Variants in GPHN observed in about 807,000 individuals in gnomAD.
The protein encoded by GPHN is gephyrin.
GPHN carries 17 observed loss-of-function variants against 95.5 expected under a neutral mutation model. The ratio of observed to expected loss-of-function variants is 0.18; its 90% CI spans 0.12 to 0.27. The LOEUF is 0.27. GPHN is among the 10% of genes least tolerant of loss of function. The probability of loss-of-function intolerance (pLI) is 1.00; values close to 1 mark genes in which losing one functional copy is unlikely to be tolerated. For missense variants in GPHN, 660 were observed against 978.1 expected (o/e 0.67, Z 4.34); for synonymous variants, 320 against 322.5 (o/e 0.99, Z 0.08).
chr14:66,862,552 C>G (rs2063069289), intron 4 of GPHN, among the ~76,000 whole-genome samples: 1 of 151,992 alleles, frequency 6.6e-6, no homozygotes, highest in African/African-American at 2.4e-5. Context: ...AAGAAAATTA[C>G]AGGCCAATAT....
At chr14:66,644,949 ATGT>A (rs1325218428) in intron 1 of GPHN, among the ~76,000 whole-genome samples, 6 of 152,214 alleles carry the variant, frequency 3.9e-5, no homozygotes, top group Non-Finnish European at 7.4e-5. Context: ...AGGCATGTAA[ATGT>A]TGTTTGCCAT....
At chr14:67,135,029 A>C (rs1400567826) in intron 17 of GPHN, among the ~76,000 whole-genome samples, 1 of 125,932 alleles carries the variant, frequency 7.9e-6, no homozygotes. Context: ...GCACAATCTC[A>C]GCTTACTGCA....
chr14:67,134,865 TTTTAA>T (rs2079950776), intron 17 of GPHN, among the ~76,000 whole-genome samples: 1 of 151,336 alleles, frequency 6.6e-6, no homozygotes, highest in South Asian at 2.1e-4. Flanking sequence ...TCTCTTTCTT[TTTTAA>T]TTTTTCTTTT....
the GPHN span, chr14:67,354,011 A>C: frequency 6.7e-6 from 1 of 150,368 alleles, no homozygotes; most frequent in African/African-American, 2.5e-5. Context: ...TTTCTCTCTC[A>C]CCCTCGCCTT....
intron 12 of GPHN, among the ~76,000 whole-genome samples, chr14:67,092,945 A>T (rs1367858917): frequency 6.6e-6 from 1 of 152,112 alleles, no homozygotes; most frequent in Non-Finnish European, 1.5e-5. Context: ...GATGTAGGTG[A>T]CTATTTTATC....
chr14:66,810,466 A>G (rs1215081186), intron 3 of GPHN, among the ~76,000 whole-genome samples: 1 of 151,906 alleles, frequency 6.6e-6, no homozygotes, highest in Admixed American at 6.6e-5. Context: ...CATGGAAAAA[A>G]ATGTTCAAAG....
At chr14:66,687,359 G>A (rs1271766434) in intron 2 of GPHN, among the ~76,000 whole-genome samples, 2 of 151,712 alleles carry the variant, frequency 1.3e-5, no homozygotes, top group African/African-American at 4.8e-5. Flanking sequence ...ACCAATTTTA[G>A]GATTATTTTT....
the GPHN span, chr14:67,317,553 A>T: frequency 7.7e-6 from 7 of 909,232 alleles, no homozygotes; most frequent in African/African-American, 1.7e-5. Context: ...TTGCACCTTA[A>T]TGTTAAATAT....
the GPHN span, among the ~76,000 whole-genome samples, chr14:67,365,519 A>ATGTT: frequency 6.6e-6 from 1 of 152,232 alleles, no homozygotes; most frequent in Admixed American, 6.5e-5. Flanking sequence ...GGTAATTAGA[A>ATGTT]TGTTTGCATC....
the GPHN span, chr14:67,374,784 A>G: frequency 5.9e-6 from 2 of 337,474 alleles, no homozygotes; most frequent in African/African-American, 4.2e-5. Context: ...TGTTTGTTTA[A>G]ATAGAAATGA....
At chr14:67,570,046 A>C in the GPHN span, 125 of 1,366,092 alleles carry the variant, frequency 9.2e-5, no homozygotes, top group Non-Finnish European at 1.2e-4. Flanking sequence ...GGGGTGTCTC[A>C]TCAGGAAAGG....
the GPHN span, among the ~76,000 whole-genome samples, chr14:67,372,824 C>G: frequency 7.1e-6 from 1 of 140,690 alleles, no homozygotes; most frequent in South Asian, 2.4e-4. Context: ...AAGACTCCAT[C>G]TCAAAAAAAA....
chr14:66,792,429 C>A (rs1269024704), intron 3 of GPHN, among the ~76,000 whole-genome samples: 2 of 151,484 alleles, frequency 1.3e-5, no homozygotes, highest in Non-Finnish European at 2.9e-5. Context: ...GGGAGGATCA[C>A]TTAAGCCCAG....
chr14:67,224,638 C>T, the GPHN span: 1 of 295,966 alleles, frequency 3.4e-6, no homozygotes. Context: ...TTTTTTTTTA[C>T]AGTGAGCCCA....
chr14:67,025,524 A>G (rs1034992567), intron 10 of GPHN, among the ~76,000 whole-genome samples: 2 of 152,206 alleles, frequency 1.3e-5, no homozygotes, highest in Non-Finnish European at 2.9e-5. Flanking sequence ...TGATATGAAC[A>G]AAATTGTTTA....
the GPHN span, among the ~76,000 whole-genome samples, chr14:67,635,235 C>A: frequency 1.3e-5 from 2 of 151,902 alleles, no homozygotes; most frequent in Non-Finnish European, 2.9e-5. Flanking sequence ...CAGAGTAAGA[C>A]CATCTCAAAA....
chr14:67,103,511 C>CTTTTTTTTTTTTTTT, intron 13 of GPHN, among the ~76,000 whole-genome samples: 3 of 53,396 alleles, frequency 5.6e-5, no homozygotes, highest in African/African-American at 1.6e-4. Context: ...GTTTCTTTCT[C>CTTTTTTTTTTTTTTT]TTTTTTTTTT....
At chr14:67,310,829 C>G in the GPHN span, among the ~76,000 whole-genome samples, 1 of 152,054 alleles carries the variant, frequency 6.6e-6, no homozygotes, top group East Asian at 1.9e-4. Flanking sequence ...AGCCATTTAT[C>G]TGTCTATCTA....
At chr14:67,083,231 C>G (rs531357274) in intron 11 of GPHN, among the ~76,000 whole-genome samples, 1 of 149,616 alleles carries the variant, frequency 6.7e-6, no homozygotes, top group African/African-American at 2.5e-5. Context: ...GGATCTATGC[C>G]CCCCCCCCTC....
Sources: allele counts gnomAD v4.1 joint callset (sites outside exome capture counted in the v4.1 genomes callset), GRCh38; gene constraint gnomAD v4.1.1; transcripts MANE v1.5; gene names NCBI Gene and HGNC (gene_info 2026-07-23, HGNC 2026-07-21).